Variants in CACNA1I observed in about 807,000 individuals in gnomAD.
CACNA1I encodes the protein calcium voltage-gated channel subunit alpha1 I, also known as voltage-dependent T-type calcium channel subunit alpha-1I.
CACNA1I carries 74 observed loss-of-function variants against 201.6 expected under a neutral mutation model. The observed-to-expected ratio is 0.37, with a 90% CI of 0.30 to 0.45. CACNA1I has a LOEUF of 0.45. Ranked by LOEUF, CACNA1I falls within the 20% of genes least tolerant of loss-of-function variation. The pLI is 1.00. For synonymous variants in CACNA1I, 1,431 were observed against 1,345.2 expected, an observed-to-expected ratio of 1.06 and a Z score of -1.40; for missense variants, 2,346 against 3,138.1, an observed-to-expected ratio of 0.75 and a Z score of 6.03.
At chr22:39,577,580 G>A (rs1187799598) in intron 1 of CACNA1I, among the ~76,000 whole-genome samples, 1 of 152,260 alleles carries the variant, frequency 6.6e-6, no homozygotes, top group African/African-American at 2.4e-5. Flanking sequence ...AGCATTTCCT[G>A]AGTGTGAGCT....
chr22:39,684,667 G>A lies in CACNA1I; in HGVS notation c.6027+169G>A. The A allele has an allele frequency of 1.4e-6, 1 of 700,504 alleles. No individual in the cohort carries two copies. The highest frequency in any genetic ancestry group is 1.8e-5 in the South Asian group (1 of 55,934). 43.4% of individuals were successfully genotyped at this position (700,504 alleles called of 1,614,324 possible). The stretch of plus-strand genomic sequence containing the variant: ...TGGGGTGACGCTGAGACTGGAGGGG[G>A]AGGTGGCACTGGGGCGGATGGAGTG... On this transcript the variant is annotated intron_variant, in intron 36 of 36. Transcript: ENST00000402142. This position sits in a 1 kb window ranked among gnomAD's most constrained non-coding sequence, Gnocchi z 4.6.
At position 39,659,144 on chromosome 22, in the gene CACNA1I, C is replaced by T; in HGVS notation, c.2330+28C>T. ...GAGCCTGCCCTGCTGGGGGCCATAC[C>T]TCAGCACCTGCTGGGGCTGTGGGCG... On this transcript the variant is annotated intron_variant, in intron 12 of 36. Transcript: ENST00000402142. This position sits in a 1 kb window ranked among gnomAD's most constrained non-coding sequence, Gnocchi z 4.3. 6.2e-7 allele frequency: 1 copy of T among 1,609,414 alleles called. No individual in the cohort carries two copies. Among genetic ancestry groups the T allele is most frequent in the East Asian group, 2.2e-5 (1 of 44,856 alleles).
rs780468826 is a variant in CACNA1I, at chr22:39,670,018, C to T, written c.4195-20C>T. ...GTAGGGCCCAATCAGCCTCCTCAGCCCTTTCTGACTCCCCTGCAGCCTGTG... is the reference window on the plus strand; with the variant it reads ...GTAGGGCCCAATCAGCCTCCTCAGCTCTTTCTGACTCCCCTGCAGCCTGTG... On this transcript the variant is annotated intron_variant, in intron 24 of 36. Transcript: ENST00000402142. The T allele has an allele frequency of 3.1e-6, 5 of 1,612,000 alleles. No homozygotes were observed. Among genetic ancestry groups the T allele is most frequent in the Non-Finnish European group, 3.4e-6 (4 of 1,179,800 alleles).
chr22:39,604,371 G>T (rs987726456), intron 3 of CACNA1I, among the ~76,000 whole-genome samples: 1 of 152,104 alleles, frequency 6.6e-6, no homozygotes, highest in African/African-American at 2.4e-5. Context: ...ATGAGGCGAG[G>T]TCTGCAGGCC....
chr22:39,655,849 G>T (rs745691582), intron 10 of CACNA1I, among the ~76,000 whole-genome samples: 1 of 152,262 alleles, frequency 6.6e-6, no homozygotes, highest in Admixed American at 6.5e-5. Flanking sequence ...AACATCTGTT[G>T]TGAGGGAGGA....
intron 1 of CACNA1I, among the ~76,000 whole-genome samples, chr22:39,592,147 C>T (rs1012543670): frequency 6.6e-6 from 1 of 152,204 alleles, no homozygotes; most frequent in African/African-American, 2.4e-5. Context: ...GTGATTTTCT[C>T]CCCGAGGCCT....
intron 1 of CACNA1I, among the ~76,000 whole-genome samples, chr22:39,586,799 T>C (rs1471792866): frequency 6.6e-6 from 1 of 152,142 alleles, no homozygotes; most frequent in Non-Finnish European, 1.5e-5. Flanking sequence ...TAATCCACAC[T>C]GGTCGAGCCC....
In CACNA1I at chr22:39,649,023, G is replaced by A. The variant is rs915828548; in HGVS notation, c.1568-478G>A. 4.6e-5 allele frequency among the ~76,000 whole-genome samples: 7 copies of A among 152,078 alleles called. No homozygotes were observed. Among genetic ancestry groups the A allele is most frequent in the Admixed American group, 1.3e-4 (2 of 15,272 alleles). ...GGGAAGCAAACCTCACCCCTTCCCC[G>A]CTCCCCACCTGCTGTATAGGCAGGA... On this transcript the variant is annotated intron_variant, in intron 9 of 36. Transcript: ENST00000402142. This position sits in a 1 kb window ranked among gnomAD's most constrained non-coding sequence, Gnocchi z 7.3.
chr22:39,627,105 C>T (rs892320453), intron 4 of CACNA1I, among the ~76,000 whole-genome samples: 11 of 152,300 alleles, frequency 7.2e-5, no homozygotes, highest in African/African-American at 2.4e-4. Flanking sequence ...GTTCTTTTAG[C>T]GTGTAGGCGC....
intron 19 of CACNA1I, 61 bp from the exon 20 acceptor site, chr22:39,664,030 T>C: frequency 6.4e-7 from 1 of 1,564,312 alleles, no homozygotes; most frequent in South Asian, 1.1e-5. Flanking sequence ...AAGCAGCGGC[T>C]GGCCAGTGGC....
At chr22:39,619,860 C>T (rs142543869) in intron 4 of CACNA1I, among the ~76,000 whole-genome samples, 100 of 152,278 alleles carry the variant, frequency 6.6e-4, no homozygotes, top group African/African-American at 2.3e-3. Context: ...ATTCACCCAC[C>T]ACAGATCGAT....
At chr22:39,674,571 C>T (rs1351531102) in intron 29 of CACNA1I, among the ~76,000 whole-genome samples, 2 of 152,126 alleles carry the variant, frequency 1.3e-5, no homozygotes, top group Non-Finnish European at 2.9e-5. Context: ...TTGCTCTACC[C>T]GCACCCTGCG....
At position 39,677,499 on chromosome 22, in the gene CACNA1I, G is replaced by C. The variant is rs1006969153; in HGVS notation, c.4933+80G>C. The C allele has an allele frequency of 5.1e-6, 5 of 974,666 alleles. No individual in the cohort carries two copies. The highest frequency in any genetic ancestry group is 7.5e-6 in the Non-Finnish European group (5 of 669,124). The allele number at this position is 974,666 out of a possible 1,614,324, so 60.4% of individuals were successfully genotyped here. ...AACTGGGGGGGCGGGGGAGGCCTGA[G>C]ACCCCTGAGCCCGTCACATCAGGGT... On this transcript the variant is annotated intron_variant, in intron 30 of 36. Coordinates refer to ENST00000402142, the MANE Select transcript of CACNA1I (RefSeq NM_021096.4). The surrounding 1 kb of genome is among the most constrained non-coding windows in gnomAD (Gnocchi z 4.8).
intron 4 of CACNA1I, among the ~76,000 whole-genome samples, chr22:39,630,607 G>A (rs930960059): frequency 7.2e-5 from 11 of 152,270 alleles, no homozygotes; most frequent in African/African-American, 2.7e-4. Flanking sequence ...TGGGCGCAGA[G>A]CATGCCTGGT....
intron 1 of CACNA1I, among the ~76,000 whole-genome samples, chr22:39,589,046 G>C (rs906301426): frequency 6.6e-6 from 1 of 152,132 alleles, no homozygotes; most frequent in African/African-American, 2.4e-5. Context: ...TGTCCTGTAC[G>C]TTGTAGGGTG....
chr22:39,664,867 C>A lies in CACNA1I; in HGVS notation c.3795C>A (p.Ala1265=). ...TGTCCCTGGCCTCAGCCGGGGGAGC[C>A]AAGATCTTGGGGGTCCTCCGAGTCT... ...IVVSLASAGG[A]KILGVLRVLR... Residue 1265 remains alanine, a synonymous_variant, in exon 21 of 37, where the codon GCC becomes GCA. Coordinates refer to ENST00000402142, the MANE Select transcript of CACNA1I (RefSeq NM_021096.4). The A allele has an allele frequency of 6.2e-7, 1 of 1,613,170 alleles. No homozygotes were observed. The highest frequency in any genetic ancestry group is 8.5e-7 in the Non-Finnish European group (1 of 1,179,848).
intron 1 of CACNA1I, among the ~76,000 whole-genome samples, chr22:39,589,333 C>T (rs993170624): frequency 6.6e-6 from 1 of 152,132 alleles, no homozygotes; most frequent in Non-Finnish European, 1.5e-5. Context: ...GGAGTGGCCC[C>T]GCTGGGTCCT....
chr22:39,646,267 C>T (rs2146425972), intron 7 of CACNA1I, among the ~76,000 whole-genome samples: 1 of 152,164 alleles, frequency 6.6e-6, no homozygotes, highest in Middle Eastern at 3.4e-3. Flanking sequence ...CCCTGCATCT[C>T]CCCTCCCTTG....
intron 1 of CACNA1I, among the ~76,000 whole-genome samples, chr22:39,582,370 C>G (rs775867288): frequency 1.3e-5 from 2 of 152,046 alleles, no homozygotes; most frequent in Non-Finnish European, 2.9e-5. Context: ...TTGGTTGCTC[C>G]AACGTGGGGA....
Sources: allele counts gnomAD v4.1 joint callset (sites outside exome capture counted in the v4.1 genomes callset), GRCh38; gene constraint gnomAD v4.1.1; non-coding constraint Gnocchi (gnomAD v3.1); transcripts MANE v1.5; gene names NCBI Gene and HGNC (gene_info 2026-07-23, HGNC 2026-07-21).